EVI5: variants seen among roughly 807,000 people sequenced by gnomAD.
EVI5 encodes the protein ecotropic viral integration site 5 protein homolog.
In EVI5, 73 loss-of-function variants were observed where a neutral mutation model predicts 112.0. That is an observed-to-expected ratio of 0.65 (90% CI 0.54 to 0.79). The LOEUF is 0.79. Ranked by LOEUF, EVI5 falls within the 30% of genes least tolerant of loss-of-function variation. EVI5 has a pLI of 0.00. For synonymous variants in EVI5, 305 were observed against 319.9 expected (o/e 0.95, Z 0.50); for missense variants, 900 against 968.8 (o/e 0.93, Z 0.94).
Position 92,584,161 on chromosome 1 carries a change from G to T in EVI5, c.2071-20424C>A, listed in dbSNP as rs546238923. On this transcript the variant is annotated intron_variant, in intron 18 of 19. Coordinates refer to ENST00000684568, the MANE Select transcript of EVI5 (RefSeq NM_001350197.2). ...AAATCTAACAAAAAGAGACACGGTG[G>T]TACATAAAGATATATTCAAGTGCTC... Among the ~76,000 whole-genome samples, 20 of 152,052 alleles carry T rather than the reference G, an allele frequency of 1.3e-4. 1 individual carries two copies. Among genetic ancestry groups the T allele is most frequent in the African/African-American group, 4.8e-4 (20 of 41,464 alleles).
chr1:92,513,696 C>T lies in EVI5; in HGVS notation c.2441G>A (p.Arg814Gln), dbSNP rs755476736. ...RESNQVVQKE[R>Q]PPRRRESYST... is the part of the protein sequence containing the mutation. ...ATACGACTCTCTTCTTCTCGGGGGCCGCTCCTTTTGAACCACTTGGTTGCT... is the reference window on the plus strand; with the variant it reads ...ATACGACTCTCTTCTTCTCGGGGGCTGCTCCTTTTGAACCACTTGGTTGCT... The change falls in exon 20 of 20, where the codon CGG (arginine) becomes CAG (glutamine). Residue 814 changes from arginine to glutamine, a missense_variant. Arg to Gln is a conservative substitution (Grantham distance 43). Transcript: ENST00000684568. The T allele has an allele frequency of 2.1e-5, 34 of 1,612,340 alleles. 1 individual carries two copies. Among genetic ancestry groups the T allele is most frequent in the Admixed American group, 6.7e-5 (4 of 59,726 alleles).
chr1:92,627,772 C>G (rs1321630781), intron 14 of EVI5, among the ~76,000 whole-genome samples: 2 of 151,788 alleles, frequency 1.3e-5, no homozygotes, highest in Non-Finnish European at 2.9e-5. Context: ...TTTCCCTGAT[C>G]ATTAGTGATG....
At chr1:92,641,307 T>G (rs1690604553) in intron 13 of EVI5, among the ~76,000 whole-genome samples, 2 of 152,218 alleles carry the variant, frequency 1.3e-5, no homozygotes, top group South Asian at 4.1e-4. Flanking sequence ...AATAACTGCC[T>G]GGTTAACAGA....
intron 13 of EVI5, among the ~76,000 whole-genome samples, chr1:92,642,003 T>C (rs1204689756): frequency 6.6e-6 from 1 of 151,964 alleles, no homozygotes; most frequent in Non-Finnish European, 1.5e-5. Flanking sequence ...GCCAGGCATG[T>C]ACCTGTAGTC....
chr1:92,627,484 TG>T (rs1655943303), intron 14 of EVI5, among the ~76,000 whole-genome samples: 3 of 152,238 alleles, frequency 2.0e-5, no homozygotes, highest in Admixed American at 1.3e-4. Flanking sequence ...TAAACATGCG[TG>T]TGCAAGTATC....
At chr1:92,730,913 AG>A (rs1174553639) in intron 2 of EVI5, among the ~76,000 whole-genome samples, 1 of 152,168 alleles carries the variant, frequency 6.6e-6, no homozygotes, top group East Asian at 1.9e-4. Flanking sequence ...TCTTATTCAC[AG>A]ATGATAGGCT....
At chr1:92,740,525 G>C (rs1438226220) in intron 1 of EVI5, among the ~76,000 whole-genome samples, 2 of 151,790 alleles carry the variant, frequency 1.3e-5, no homozygotes, top group African/African-American at 4.8e-5. Context: ...CCATTATGAG[G>C]GACTGCCAAC....
intron 19 of EVI5, among the ~76,000 whole-genome samples, chr1:92,542,546 C>G (rs556558886): frequency 6.6e-6 from 1 of 152,164 alleles, no homozygotes; most frequent in East Asian, 1.9e-4. Flanking sequence ...GAACCCTTTG[C>G]GGAGGATTTC....
At chr1:92,687,051 T>C (rs1381479559) in intron 9 of EVI5, among the ~76,000 whole-genome samples, 5 of 152,174 alleles carry the variant, frequency 3.3e-5, no homozygotes, top group African/African-American at 1.2e-4. Context: ...TTAAAGTTCA[T>C]ATGGAACCAA....
chr1:92,539,397 G>A (rs2101935243), intron 19 of EVI5, among the ~76,000 whole-genome samples: 1 of 152,134 alleles, frequency 6.6e-6, no homozygotes, highest in South Asian at 2.1e-4. Context: ...TAAAAAATTA[G>A]CCGGGTGTAG....
chr1:92,530,333 T>C (rs1215715180), intron 19 of EVI5, among the ~76,000 whole-genome samples: 1 of 152,012 alleles, frequency 6.6e-6, no homozygotes, highest in East Asian at 1.9e-4. Context: ...ACGAAGCACC[T>C]GGGGGAAGGG....
chr1:92,564,000 G>A (rs901468663), intron 18 of EVI5, among the ~76,000 whole-genome samples: 38 of 152,076 alleles, frequency 2.5e-4, no homozygotes, highest in Non-Finnish European at 4.0e-4. Flanking sequence ...TCGGCTCACC[G>A]CAACCTCTGC....
intron 13 of EVI5, among the ~76,000 whole-genome samples, chr1:92,642,132 A>C (rs543966544): frequency 0.01 from 1,525 of 151,310 alleles, 9 homozygotes; most frequent in African/African-American, 0.025. Flanking sequence ...CTCCATCCCA[A>C]AAAAAAAAAA....
intron 18 of EVI5, among the ~76,000 whole-genome samples, chr1:92,576,136 A>G (rs941876254): frequency 6.6e-6 from 1 of 152,200 alleles, no homozygotes; most frequent in Non-Finnish European, 1.5e-5. Context: ...CTCAGAAAAC[A>G]TAGGAACAGT....
intron 1 of EVI5, among the ~76,000 whole-genome samples, chr1:92,759,538 T>C (rs1318291090): frequency 1.3e-5 from 2 of 152,234 alleles, no homozygotes. Context: ...TGGCATTTAA[T>C]ACATTCACAA....
At chr1:92,781,502 A>G (rs2103104046) in intron 1 of EVI5, among the ~76,000 whole-genome samples, 1 of 152,204 alleles carries the variant, frequency 6.6e-6, no homozygotes, top group African/African-American at 2.4e-5. Context: ...CTGAAAAAAA[A>G]AAAAATTTTT....
chr1:92,655,106 C>T (rs897706100), intron 13 of EVI5, among the ~76,000 whole-genome samples: 12 of 151,612 alleles, frequency 7.9e-5, no homozygotes, highest in African/African-American at 2.2e-4. Context: ...TTTAGACATC[C>T]AAATAGAAGA....
At chr1:92,785,909 GT>G (rs1262326262), upstream of EVI5, among the ~76,000 whole-genome samples, 1 of 151,146 alleles carries the variant, frequency 6.6e-6, no homozygotes, top group African/African-American at 2.4e-5. Flanking sequence ...GTGAAACCCC[GT>G]CTCTACTAAA....
chr1:92,620,792 A>G (rs561486166), intron 16 of EVI5, among the ~76,000 whole-genome samples: 1 of 152,294 alleles, frequency 6.6e-6, no homozygotes, highest in East Asian at 1.9e-4. Flanking sequence ...GGATCTGCAC[A>G]AAGAAAGAGT....
Sources: allele counts gnomAD v4.1 joint callset (sites outside exome capture counted in the v4.1 genomes callset), GRCh38; gene constraint gnomAD v4.1.1; transcripts MANE v1.5; gene names NCBI Gene and HGNC (gene_info 2026-07-23, HGNC 2026-07-21).